Variants in SORBS2 observed in about 807,000 individuals in gnomAD.
SORBS2 encodes sorbin and SH3 domain containing 2.
Under a neutral mutation model 97.7 loss-of-function variants are expected in SORBS2, and 46 were observed. The ratio of observed to expected loss-of-function variants is 0.47; its 90% CI spans 0.37 to 0.60. The LOEUF is 0.60. Ranked by LOEUF, SORBS2 falls within the 20% of genes least tolerant of loss-of-function variation. The pLI, the probability that SORBS2 is intolerant of heterozygous loss-of-function variation, is 0.00. For synonymous variants in SORBS2, 476 were observed against 473.4 expected (o/e 1.01, Z -0.07); for missense variants, 1,316 against 1,282.3 (o/e 1.03, Z -0.40).
At chr4:185,832,802 C>T (rs781472964) in intron 1 of SORBS2, among the ~76,000 whole-genome samples, 16 of 152,144 alleles carry the variant, frequency 1.1e-4, no homozygotes, top group Non-Finnish European at 2.4e-4. Flanking sequence ...TATGTATCTT[C>T]CCCATAAAGG....
intron 1 of SORBS2, among the ~76,000 whole-genome samples, chr4:185,874,179 G>A (rs922508899): frequency 6.6e-6 from 1 of 152,142 alleles, no homozygotes; most frequent in Admixed American, 6.5e-5. Context: ...GTTTGCTGAG[G>A]CGCTGGAACA....
chr4:185,641,290 A>G (rs1268704437), intron 4 of SORBS2, among the ~76,000 whole-genome samples: 1 of 152,140 alleles, frequency 6.6e-6, no homozygotes, highest in Non-Finnish European at 1.5e-5. Flanking sequence ...ATTAGCAGAG[A>G]AAACACCCAA....
At chr4:185,916,467 C>A (rs1254354238) in intron 1 of SORBS2, among the ~76,000 whole-genome samples, 5 of 152,136 alleles carry the variant, frequency 3.3e-5, no homozygotes, top group South Asian at 2.1e-4. Context: ...GCATAGTGAG[C>A]CAATTCATTA....
chr4:185,625,331 C>A (rs2096792797), intron 6 of SORBS2, among the ~76,000 whole-genome samples: 1 of 152,108 alleles, frequency 6.6e-6, no homozygotes, highest in Non-Finnish European at 1.5e-5. Context: ...TTTTGAATAG[C>A]TATGGAAATG....
rs141884342 is a variant in SORBS2 at position 185,788,006 on chromosome 4, T to C, written c.-337-12640A>G. ...TGTTGCGGCGAATGGGCAGGTGACA[T>C]CACATGGCGCAGGCAGCATGTTCCA... On this transcript the variant is annotated intron_variant, in intron 1 of 20. Coordinates refer to the SORBS2 transcript ENST00000284776. Among the ~76,000 whole-genome samples the C allele has an allele frequency of 1.1e-3, 160 of 152,312 alleles. 1 individual carries two copies. Among genetic ancestry groups the C allele is most frequent in the Non-Finnish European group, 1.5e-3 (101 of 68,016 alleles).
Position 185,690,631 on chromosome 4 carries a change from C to A in SORBS2, c.-197-11809G>T. On this transcript the variant is annotated intron_variant, in intron 2 of 20. Transcript: ENST00000284776. The stretch of plus-strand genomic sequence containing the variant: ...GTTTTCCTGTAGGAAAAAAATGGTG[C>A]ATAATTGTTCACTAGCATGTGGAAG... 1.8e-6 allele frequency: 2 copies of A among 1,135,096 alleles called. No homozygotes were observed. Among genetic ancestry groups the A allele is most frequent in the South Asian group, 1.6e-5 (1 of 63,888 alleles). 70.3% of individuals were successfully genotyped at this position (1,135,096 alleles called of 1,614,324 possible).
chr4:185,662,264 C>T (rs185210532), intron 4 of SORBS2, 22 bp from the exon 8 acceptor site: 18 of 1,579,232 alleles, frequency 1.1e-5, no homozygotes, highest in South Asian at 4.6e-5. Flanking sequence ...GCAAAGGCAT[C>T]GAGTTAAATT....
chr4:185,885,919 G>A lies in SORBS2; in HGVS notation c.-338+70277C>T, dbSNP rs555962054. Reference sequence around the variant, plus strand: ...ATTTTTAAACTTTCTGTTTTGATGCGTAGGTGCCAACAGGCAACTTTCTCA... The same window carrying A: ...ATTTTTAAACTTTCTGTTTTGATGCATAGGTGCCAACAGGCAACTTTCTCA... On this transcript the variant is annotated intron_variant, in intron 1 of 20. Transcript: ENST00000284776. Among the ~76,000 whole-genome samples the A allele has an allele frequency of 8.5e-5, 13 of 152,256 alleles. No individual in the cohort carries two copies. The South Asian group carries it at 2.1e-3, about 24-fold the overall frequency.
At chr4:185,873,457 T>C (rs1371311729) in intron 1 of SORBS2, among the ~76,000 whole-genome samples, 2 of 152,244 alleles carry the variant, frequency 1.3e-5, no homozygotes, top group Admixed American at 1.3e-4. Context: ...TAGCACAAGC[T>C]ACCTATATTT....
At chr4:185,905,799 G>T (rs540934508) in intron 1 of SORBS2, among the ~76,000 whole-genome samples, 1 of 152,184 alleles carries the variant, frequency 6.6e-6, no homozygotes, top group African/African-American at 2.4e-5. Flanking sequence ...TATGAACTAA[G>T]TAGTGACCCA....
At chr4:185,701,418 G>C (rs939772208) in intron 2 of SORBS2, among the ~76,000 whole-genome samples, 1 of 152,100 alleles carries the variant, frequency 6.6e-6, no homozygotes, top group Non-Finnish European at 1.5e-5. Context: ...ATGTCTGTGT[G>C]GACATCTTCA....
chr4:185,694,698 T>TTTTC (rs1222179954), intron 2 of SORBS2, among the ~76,000 whole-genome samples: 4 of 106,766 alleles, frequency 3.7e-5, no homozygotes, highest in African/African-American at 1.3e-4. Context: ...TTCTTTTTCC[T>TTTTC]TTTCTTTCTT....
At chr4:185,691,027 G>T (rs1477603831) in intron 2 of SORBS2, among the ~76,000 whole-genome samples, 1 of 151,982 alleles carries the variant, frequency 6.6e-6, no homozygotes, top group African/African-American at 2.4e-5. Flanking sequence ...AGCCTCCCAA[G>T]TAGCTGGGAT....
intron 1 of SORBS2, among the ~76,000 whole-genome samples, chr4:185,889,455 AATTC>A (rs1437199087): frequency 2.6e-5 from 4 of 151,914 alleles, no homozygotes; most frequent in African/African-American, 9.7e-5. Context: ...TTTTTTTTCA[AATTC>A]ATTAGTGATT....
intron 1 of SORBS2, among the ~76,000 whole-genome samples, chr4:185,874,571 T>C (rs1252777279): frequency 2.0e-5 from 3 of 152,350 alleles, no homozygotes; most frequent in African/African-American, 7.2e-5. Flanking sequence ...AAGGTCCTAA[T>C]CAAGCTAAGA....
chr4:185,670,205 C>T (rs2097691454), intron 4 of SORBS2, among the ~76,000 whole-genome samples: 1 of 151,674 alleles, frequency 6.6e-6, no homozygotes, highest in Admixed American at 6.6e-5. Flanking sequence ...GGTGACAGAG[C>T]AAGACTCTGT....
chr4:185,670,397 C>G (rs1416981600), intron 4 of SORBS2, among the ~76,000 whole-genome samples: 1 of 152,128 alleles, frequency 6.6e-6, no homozygotes, highest in Non-Finnish European at 1.5e-5. Context: ...GAATTTCCTT[C>G]CACCTCAGGT....
intron 2 of SORBS2, among the ~76,000 whole-genome samples, chr4:185,731,866 C>CTATATATATA (rs544211866): frequency 4.0e-5 from 1 of 24,692 alleles, no homozygotes; most frequent in South Asian, 2.7e-3. Flanking sequence ...CTCTCTCTCT[C>CTATATATATA]TATATATATA....
intron 1 of SORBS2, among the ~76,000 whole-genome samples, chr4:185,948,738 G>T (rs577477221): frequency 7.9e-4 from 120 of 151,888 alleles, no homozygotes; most frequent in Non-Finnish European, 1.3e-3. Flanking sequence ...GACTGGTCTT[G>T]AACTCCTGAA....
Sources: allele counts gnomAD v4.1 joint callset (sites outside exome capture counted in the v4.1 genomes callset), GRCh38; gene constraint gnomAD v4.1.1; transcripts MANE v1.5; gene names NCBI Gene and HGNC (gene_info 2026-07-23, HGNC 2026-07-21).